The following ATG16L1 variants were observed in gnomAD, a reference collection of about 807,000 sequenced individuals.
ATG16L1 encodes autophagy related 16 like 1.
In ATG16L1, 37 loss-of-function variants were observed where a neutral mutation model predicts 88.5. The observed-to-expected ratio is 0.42, with a 90% CI of 0.32 to 0.55. The LOEUF is 0.55. Ranked by LOEUF, ATG16L1 falls within the 20% of genes least tolerant of loss-of-function variation. ATG16L1 has a pLI of 0.13. For missense variants in ATG16L1, 554 were observed against 752.8 expected, an observed-to-expected ratio of 0.74 and a Z score of 3.09; for synonymous variants, 301 against 281.0, an observed-to-expected ratio of 1.07 and a Z score of -0.71.
At chr2:233,258,261 A>C (rs1289421892) in intron 2 of ATG16L1, among the ~76,000 whole-genome samples, 2 of 152,218 alleles carry the variant, frequency 1.3e-5, no homozygotes, top group Non-Finnish European at 2.9e-5. Flanking sequence ...TAGCAATTGT[A>C]AAAACAAGGT....
chr2:233,275,653 G>A, intron 9 of ATG16L1: 1 of 486,610 alleles, frequency 2.1e-6, no homozygotes, highest in Non-Finnish European at 4.1e-6. Flanking sequence ...GAGGAGTTGG[G>A]ATGGGGCGCA....
At chr2:233,255,259 A>G (rs1316668594) in intron 1 of ATG16L1, among the ~76,000 whole-genome samples, 1 of 152,182 alleles carries the variant, frequency 6.6e-6, no homozygotes, top group Admixed American at 6.5e-5. Flanking sequence ...AGCCACAGTA[A>G]TAGGCCTGTG....
chr2:233,252,546 C>T (rs1205748997), intron 1 of ATG16L1, among the ~76,000 whole-genome samples: 1 of 152,022 alleles, frequency 6.6e-6, no homozygotes, highest in East Asian at 1.9e-4. Context: ...CCACGGTCGG[C>T]TAATTTTTTT....
At chr2:233,282,148 T>C (rs73998346) in intron 11 of ATG16L1, among the ~76,000 whole-genome samples, 2,881 of 152,200 alleles carry the variant, frequency 0.019, 93 homozygotes, top group African/African-American at 0.065. Context: ...TGGTGTTAAG[T>C]TGTGGTGGAA....
intron 6 of ATG16L1, 131 bp from the exon 7 acceptor site, chr2:233,272,835 G>A: frequency 1.4e-6 from 1 of 729,020 alleles, no homozygotes; most frequent in Non-Finnish European, 2.4e-6. Flanking sequence ...TTTCTCCAAA[G>A]AATCTTTAAC....
At chr2:233,273,643 T>G in intron 7 of ATG16L1, 78 bp from the exon 8 acceptor site, 1 of 1,396,330 alleles carries the variant, frequency 7.2e-7, no homozygotes, top group Non-Finnish European at 1.0e-6. Flanking sequence ...CAGTTACCTG[T>G]TTTTGTGGGC....
chr2:233,256,489 T>TTTTGTTTC (rs1288935109), intron 2 of ATG16L1, among the ~76,000 whole-genome samples: 1 of 152,186 alleles, frequency 6.6e-6, no homozygotes, highest in African/African-American at 2.4e-5. Flanking sequence ...ATTCATGTTT[T>TTTTGTTTC]TTTGTTTCTT....
chr2:233,275,796 A>G (rs1235706472), intron 9 of ATG16L1: 1 of 519,158 alleles, frequency 1.9e-6, no homozygotes, highest in East Asian at 5.4e-5. Flanking sequence ...CTCAACTCCC[A>G]GCAGCCCATT....
At chr2:233,258,019 ATCTATATATCTATAT>A (rs1559377541) in intron 2 of ATG16L1, among the ~76,000 whole-genome samples, 65 of 138,256 alleles carry the variant, frequency 4.7e-4, no homozygotes, top group Non-Finnish European at 7.4e-4. Flanking sequence ...AAAAAAAAAT[ATCTATATATCTATAT>A]ATCTATATAT....
intron 17 of ATG16L1, 56 bp downstream of exon 17, chr2:233,293,413 C>A (rs1699598597): frequency 2.0e-6 from 3 of 1,480,406 alleles, no homozygotes; most frequent in Non-Finnish European, 2.8e-6. Flanking sequence ...CCTTTGACTT[C>A]ATCTCAGGGG....
chr2:233,292,844 A>G (rs1477553375), intron 16 of ATG16L1, among the ~76,000 whole-genome samples: 1 of 152,194 alleles, frequency 6.6e-6, no homozygotes, highest in Non-Finnish European at 1.5e-5. Context: ...CCCTTCTTCC[A>G]TGTATCCTGC....
chr2:233,267,071 C>T (rs1299815377), intron 5 of ATG16L1, among the ~76,000 whole-genome samples: 1 of 152,116 alleles, frequency 6.6e-6, no homozygotes, highest in Non-Finnish European at 1.5e-5. Context: ...TAAGATTGGC[C>T]TGGTGTGGTG....
At chr2:233,265,235 C>A in intron 5 of ATG16L1, 92 bp downstream of exon 5, 1 of 1,475,762 alleles carries the variant, frequency 6.8e-7, no homozygotes, top group Non-Finnish European at 9.2e-7. Context: ...GCAGTTACTA[C>A]AGGAGGTTTA....
intron 10 of ATG16L1, 61 bp downstream of exon 10, chr2:233,277,734 G>A: frequency 6.9e-7 from 1 of 1,450,346 alleles, no homozygotes; most frequent in East Asian, 2.3e-5. Flanking sequence ...TTGCACTGCA[G>A]AAAGAAGCTG....
intron 1 of ATG16L1, among the ~76,000 whole-genome samples, chr2:233,253,520 A>G (rs1574835393): frequency 6.6e-6 from 1 of 151,708 alleles, no homozygotes; most frequent in East Asian, 1.9e-4. Flanking sequence ...TAATTTTTGT[A>G]TTTTTAGTAG....
chr2:233,269,173 A>G (rs138353328), intron 5 of ATG16L1, among the ~76,000 whole-genome samples: 28 of 152,386 alleles, frequency 1.8e-4, no homozygotes, highest in East Asian at 5.8e-4. Context: ...AAAGTTACTA[A>G]TGTTATGTAA....
intron 5 of ATG16L1, among the ~76,000 whole-genome samples, chr2:233,266,840 G>A (rs1237139097): frequency 6.6e-6 from 1 of 152,212 alleles, no homozygotes; most frequent in East Asian, 1.9e-4. Context: ...CACTTGGATG[G>A]AACTGGAGGA....
intron 12 of ATG16L1, among the ~76,000 whole-genome samples, chr2:233,286,162 C>T (rs995749522): frequency 1.3e-5 from 2 of 152,212 alleles, no homozygotes; most frequent in Non-Finnish European, 2.9e-5. Flanking sequence ...CTTCTGGAAT[C>T]GGCTGTCTTT....
chr2:233,278,002 G>A (rs1318769234), intron 10 of ATG16L1, among the ~76,000 whole-genome samples: 4 of 152,072 alleles, frequency 2.6e-5, no homozygotes, highest in Admixed American at 1.3e-4. Context: ...AAATAGTACC[G>A]TTTTTATGAG....
Sources: allele counts gnomAD v4.1 joint callset (sites outside exome capture counted in the v4.1 genomes callset), GRCh38; gene constraint gnomAD v4.1.1; transcripts MANE v1.5; gene names NCBI Gene and HGNC (gene_info 2026-07-23, HGNC 2026-07-21).